ARHGAP44: variants seen among roughly 807,000 people sequenced by gnomAD.
ARHGAP44 encodes the protein rho GTPase-activating protein 44.
In ARHGAP44, 43 loss-of-function variants were observed where a neutral mutation model predicts 106.8. The ratio of observed to expected loss-of-function variants is 0.40; its 90% CI spans 0.32 to 0.52. The LOEUF is 0.52. ARHGAP44 is among the 20% of genes least tolerant of loss of function. The pLI is 0.48. For synonymous variants in ARHGAP44, 439 were observed against 410.3 expected (o/e 1.07, Z -0.85); for missense variants, 866 against 1,050.5 (o/e 0.82, Z 2.43).
chr17:12,873,383 A>G (rs1355278480), intron 1 of ARHGAP44, among the ~76,000 whole-genome samples: 1 of 152,168 alleles, frequency 6.6e-6, no homozygotes, highest in East Asian at 1.9e-4. Flanking sequence ...TCTAGTGAGT[A>G]TTTCTGTACT....
At chr17:12,852,784 G>T (rs758437014) in intron 1 of ARHGAP44, among the ~76,000 whole-genome samples, 1 of 151,872 alleles carries the variant, frequency 6.6e-6, no homozygotes, top group African/African-American at 2.4e-5. Flanking sequence ...CTTGTGATCC[G>T]CCCACCTCGG....
At chr17:12,982,586 C>T (rs927109984) in intron 19 of ARHGAP44, 4 of 152,194 alleles carry the variant, frequency 2.6e-5, no homozygotes, top group African/African-American at 9.7e-5. Context: ...TTCCCCTGTA[C>T]TCAGGAAGTA....
intron 6 of ARHGAP44, among the ~76,000 whole-genome samples, chr17:12,922,578 C>A (rs944966113): frequency 4.6e-5 from 7 of 152,222 alleles, no homozygotes; most frequent in Non-Finnish European, 8.8e-5. Flanking sequence ...AGAAAACCCA[C>A]ATTTCCACCA....
At chr17:12,986,036 T>C (rs2039948110) in intron 20 of ARHGAP44, 3 of 152,224 alleles carry the variant, frequency 2.0e-5, no homozygotes. Flanking sequence ...AGTGACCCTG[T>C]GGGGTTCAGC....
chr17:12,946,196 C>G (rs1392101836), intron 10 of ARHGAP44, among the ~76,000 whole-genome samples: 1 of 152,108 alleles, frequency 6.6e-6, no homozygotes, highest in Non-Finnish European at 1.5e-5. Context: ...CATAATGAGC[C>G]TTACCACTCA....
intron 8 of ARHGAP44, 50 bp from the exon 9 acceptor site, chr17:12,943,538 C>G (rs1247450055): frequency 1.3e-6 from 2 of 1,579,068 alleles, no homozygotes; most frequent in South Asian, 2.2e-5. Flanking sequence ...CCATGGCAGC[C>G]TGTGTCCTTG....
intron 6 of ARHGAP44, among the ~76,000 whole-genome samples, chr17:12,920,308 G>A (rs1458504693): frequency 2.8e-5 from 4 of 141,188 alleles, no homozygotes; most frequent in African/African-American, 8.9e-5. Flanking sequence ...CCGGGGAGGC[G>A]GAGCTTGCAG....
chr17:12,840,828 G>A (rs902921372), intron 1 of ARHGAP44, among the ~76,000 whole-genome samples: 7 of 152,186 alleles, frequency 4.6e-5, no homozygotes, highest in African/African-American at 1.7e-4. Flanking sequence ...TCTTGAAGCT[G>A]CAGGAGAGAA....
At chr17:12,955,498 A>G (rs73292366) in intron 13 of ARHGAP44, among the ~76,000 whole-genome samples, 5,081 of 152,256 alleles carry the variant, frequency 0.033, 272 homozygotes, top group African/African-American at 0.12. Flanking sequence ...GTTCCTGCCA[A>G]TGGTACTTAG....
intron 1 of ARHGAP44, among the ~76,000 whole-genome samples, chr17:12,820,400 A>G (rs1048331807): frequency 6.6e-6 from 1 of 152,158 alleles, no homozygotes; most frequent in African/African-American, 2.4e-5. Flanking sequence ...TAAAAAAGTG[A>G]AAAAGAAAAA....
intron 4 of ARHGAP44, among the ~76,000 whole-genome samples, chr17:12,909,426 T>C (rs935171238): frequency 2.6e-5 from 4 of 152,016 alleles, no homozygotes; most frequent in African/African-American, 9.7e-5. Flanking sequence ...AATATAACAA[T>C]TATTTAAATG....
intron 19 of ARHGAP44, among the ~76,000 whole-genome samples, chr17:12,982,326 T>C (rs1360648800): frequency 6.6e-6 from 1 of 152,112 alleles, no homozygotes; most frequent in African/African-American, 2.4e-5. Flanking sequence ...TTTAATTTTT[T>C]TTTTTTTGAC....
chr17:12,903,110 GAGAGAGAGAGAGAGAGGA>G (rs1337672510), intron 3 of ARHGAP44, among the ~76,000 whole-genome samples: 1 of 116,536 alleles, frequency 8.6e-6, no homozygotes, highest in African/African-American at 4.0e-5. Context: ...GAGAGAGAGA[GAGAGAGAGAGAGAGAGGA>G]GAGAGAGAGA....
chr17:12,952,720 C>CTA, intron 13 of ARHGAP44, 139 bp downstream of exon 13: 2 of 331,170 alleles, frequency 6.0e-6, no homozygotes, highest in Non-Finnish European at 1.1e-5. Flanking sequence ...CATGCATGGT[C>CTA]TCTTTTTTTT....
intron 16 of ARHGAP44, among the ~76,000 whole-genome samples, chr17:12,962,909 G>A (rs1351964662): frequency 2.0e-5 from 3 of 152,158 alleles, no homozygotes; most frequent in South Asian, 2.1e-4. Flanking sequence ...GCCAGGCATC[G>A]TGGCGCATGC....
chr17:12,898,451 A>T lies in ARHGAP44; in HGVS notation c.198+1940A>T, dbSNP rs139035176. 8.5e-5 allele frequency among the ~76,000 whole-genome samples: 13 copies of T among 152,342 alleles called. No homozygotes were observed. The East Asian group carries it at 2.5e-3, about 29-fold the overall frequency. Reference sequence around the variant, plus strand: ...TCAGAGCATCTGAATACAGAAAATAAAACACATGGTTAATAACTACACTGC... The same window carrying T: ...TCAGAGCATCTGAATACAGAAAATATAACACATGGTTAATAACTACACTGC... On this transcript the variant is annotated intron_variant, in intron 3 of 20. Transcript: ENST00000379672.
intron 1 of ARHGAP44, among the ~76,000 whole-genome samples, chr17:12,850,273 CT>C (rs2035699725): frequency 1.3e-5 from 2 of 152,180 alleles, no homozygotes; most frequent in South Asian, 4.1e-4. Flanking sequence ...CCAAGTCAGA[CT>C]TTCATAGTCA....
At chr17:12,875,724 A>G (rs1436736792) in intron 1 of ARHGAP44, among the ~76,000 whole-genome samples, 2 of 152,164 alleles carry the variant, frequency 1.3e-5, no homozygotes, top group East Asian at 3.9e-4. Flanking sequence ...CAGGTGGATC[A>G]CCTGAGGTCA....
chr17:12,902,341 G>A (rs138044974), intron 3 of ARHGAP44, among the ~76,000 whole-genome samples: 4 of 152,224 alleles, frequency 2.6e-5, no homozygotes, highest in Non-Finnish European at 5.9e-5. Context: ...CACCCTGTTC[G>A]GTTCTCAGCT....
Sources: gnomAD v4.1 joint callset for allele counts (sites outside exome capture counted in the v4.1 genomes callset) on GRCh38, gnomAD v4.1.1 for gene constraint, MANE v1.5 for transcripts, NCBI Gene and HGNC (gene_info 2026-07-23, HGNC 2026-07-21) for gene names.